The following GRM7 variants were observed in gnomAD, a reference collection of about 807,000 sequenced individuals.
GRM7 encodes glutamate metabotropic receptor 7, also known as metabotropic glutamate receptor 7.
A neutral mutation model predicts 84.5 loss-of-function variants in GRM7; 35 were observed. The ratio of observed to expected loss-of-function variants is 0.41; its 90% CI spans 0.32 to 0.55. The LOEUF (loss-of-function observed/expected upper bound fraction) is 0.55, where lower values mean the gene tolerates loss of function less well. Among genes scored for constraint, GRM7 ranks in the 20% least tolerant of loss-of-function variants. The pLI is 0.19. For synonymous variants in GRM7, 487 were observed against 455.1 expected, an observed-to-expected ratio of 1.07 and a Z score of -0.89; for missense variants, 1,003 against 1,194.6, an observed-to-expected ratio of 0.84 and a Z score of 2.36.
Position 6,937,863 on chromosome 3 carries a change from C to T in GRM7, c.519+75956C>T, listed in dbSNP as rs114736159. ...CATGATCATTATCATCAATAACACA[C>T]TGCCACTTATTGAGCACTTACTATG... On this transcript the variant is annotated intron_variant, in intron 1 of 9. Coordinates refer to ENST00000357716, the MANE Select transcript of GRM7 (RefSeq NM_000844.4). Among the ~76,000 whole-genome samples, 1,487 of 152,318 alleles carry T rather than the reference C, an allele frequency of 9.8e-3. 17 individuals are homozygous for T. Among genetic ancestry groups the T allele is most frequent in the African/African-American group, 0.034 (1,420 of 41,566 alleles).
intron 8 of GRM7, among the ~76,000 whole-genome samples, chr3:7,631,911 C>A (rs957562882): frequency 1.3e-5 from 2 of 152,092 alleles, no homozygotes; most frequent in Non-Finnish European, 2.9e-5. Flanking sequence ...ACTAGGGAAA[C>A]AAGAAAATAG....
chr3:7,594,798 C>T (rs923086730), intron 8 of GRM7, among the ~76,000 whole-genome samples: 2 of 152,098 alleles, frequency 1.3e-5, no homozygotes, highest in Non-Finnish European at 2.9e-5. Flanking sequence ...AGGGCCCCCA[C>T]ACAGAGAGCA....
At chr3:7,476,879 C>A (rs1265137590) in intron 7 of GRM7, among the ~76,000 whole-genome samples, 1 of 152,162 alleles carries the variant, frequency 6.6e-6, no homozygotes, top group Non-Finnish European at 1.5e-5. Flanking sequence ...TGCAATATTC[C>A]ACCACCAAAC....
intron 5 of GRM7, among the ~76,000 whole-genome samples, chr3:7,423,955 C>T (rs774693970): frequency 1.1e-4 from 16 of 152,088 alleles, no homozygotes; most frequent in Non-Finnish European, 1.3e-4. Flanking sequence ...AGTACAGCCT[C>T]ACTGCTGTAG....
At chr3:7,250,564 A>C (rs9311985) in intron 2 of GRM7, among the ~76,000 whole-genome samples, 151,988 of 151,992 alleles carry the variant, frequency 1, 75,992 homozygotes, top group Middle Eastern at 1. Flanking sequence ...TCCTGTGCCA[A>C]CCAGGCTGGA....
intron 7 of GRM7, among the ~76,000 whole-genome samples, chr3:7,558,866 A>G (rs1369095562): frequency 6.6e-6 from 1 of 152,148 alleles, no homozygotes; most frequent in African/African-American, 2.4e-5. Flanking sequence ...GTTATATTCA[A>G]TCTTCAAAGC....
chr3:7,257,184 C>A (rs1003015183), intron 2 of GRM7, among the ~76,000 whole-genome samples: 3 of 152,084 alleles, frequency 2.0e-5, no homozygotes, highest in African/African-American at 7.2e-5. Context: ...AGGTGAGGGA[C>A]CTTATAAGAA....
At chr3:7,135,606 ACTC>A (rs1693745904) in intron 1 of GRM7, among the ~76,000 whole-genome samples, 1 of 152,084 alleles carries the variant, frequency 6.6e-6, no homozygotes, top group African/African-American at 2.4e-5. Flanking sequence ...AAAGTAAGAT[ACTC>A]CTCAGGTGAC....
intron 1 of GRM7, among the ~76,000 whole-genome samples, chr3:6,954,061 A>G (rs911532928): frequency 6.8e-6 from 1 of 146,514 alleles, no homozygotes; most frequent in Non-Finnish European, 1.5e-5. Flanking sequence ...AACAAAAAAA[A>G]TTGGTATATT....
intron 8 of GRM7, among the ~76,000 whole-genome samples, chr3:7,609,516 A>AGAT (rs1377478435): frequency 6.6e-6 from 1 of 152,186 alleles, no homozygotes; most frequent in African/African-American, 2.4e-5. Context: ...GTGGAACAGA[A>AGAT]GATGAGCCTT....
Position 6,861,325 on chromosome 3 carries a change from A to G in GRM7, c.-64A>G. On this transcript the variant is annotated 5_prime_UTR_variant, in exon 1 of 10. Coordinates refer to ENST00000357716, the MANE Select transcript of GRM7 (RefSeq NM_000844.4). The surrounding 1 kb of genome is among the most constrained non-coding windows in gnomAD (Gnocchi z 6.4). The stretch of plus-strand genomic sequence containing the variant: ...GAGGAGCTCGCCCTGAAGGGCCCGG[A>G]CCTCGGCGAGCCCACCACCGTTCCC... The G allele has an allele frequency of 1.4e-6, 2 of 1,384,188 alleles. No homozygotes were observed. 85.7% of individuals were successfully genotyped at this position (1,384,188 alleles called of 1,614,324 possible).
chr3:7,487,025 T>G (rs1699347402), intron 7 of GRM7, among the ~76,000 whole-genome samples: 1 of 152,178 alleles, frequency 6.6e-6, no homozygotes, highest in African/African-American at 2.4e-5. Context: ...TAATGAAGTC[T>G]TAGATAAAAA....
At chr3:7,050,741 G>A (rs1035651459) in intron 1 of GRM7, among the ~76,000 whole-genome samples, 2 of 151,842 alleles carry the variant, frequency 1.3e-5, no homozygotes, top group African/African-American at 2.4e-5. Context: ...ATTGAATGCT[G>A]TTGTTTCATA....
At chr3:7,184,619 C>A (rs1479757838) in intron 2 of GRM7, among the ~76,000 whole-genome samples, 1 of 152,018 alleles carries the variant, frequency 6.6e-6, no homozygotes, top group Non-Finnish European at 1.5e-5. Flanking sequence ...TGTCATGGTA[C>A]TTTCCATGCA....
chr3:7,317,640 G>A (rs1488540194), intron 4 of GRM7, among the ~76,000 whole-genome samples: 1 of 152,046 alleles, frequency 6.6e-6, no homozygotes, highest in Non-Finnish European at 1.5e-5. Context: ...AATAGCTAGG[G>A]TGCTAAGTAG....
At chr3:7,330,669 T>A (rs552040406) in intron 4 of GRM7, among the ~76,000 whole-genome samples, 1 of 152,332 alleles carries the variant, frequency 6.6e-6, no homozygotes, top group South Asian at 2.1e-4. Context: ...CCTGCCGCCA[T>A]GTAAGACATG....
intron 4 of GRM7, among the ~76,000 whole-genome samples, chr3:7,412,287 G>A (rs1695973880): frequency 6.6e-6 from 1 of 152,158 alleles, no homozygotes; most frequent in African/African-American, 2.4e-5. Flanking sequence ...CTAGTGTTGA[G>A]AAGGCAGCCA....
In GRM7 at chr3:7,680,136, A is replaced by G. The variant is rs753764677; in HGVS notation, c.2539A>G (p.Ile847Val). The change falls in exon 9 of 10, where the codon ATC becomes GTC. Residue 847 changes from isoleucine (I) to valine (V), a missense_variant. Coordinates refer to ENST00000357716, the MANE Select transcript of GRM7 (RefSeq NM_000844.4). ...LGMLYMPKVY[I>V]IIFHPELNVQ... is the part of the protein sequence containing the mutation. ...GATGCTATACATGCCGAAAGTGTAC[A>G]TCATCATTTTCCACCCTGAACTCAA... The G allele has an allele frequency of 2.4e-5, 38 of 1,614,028 alleles. No homozygotes were observed. The highest frequency in any genetic ancestry group is 3.1e-5 in the Non-Finnish European group (37 of 1,180,016).
At chr3:7,680,532 C>G in intron 9 of GRM7, 1 of 513,574 alleles carries the variant, frequency 1.9e-6, no homozygotes, top group Non-Finnish European at 3.5e-6. Context: ...TGTGAAGCCT[C>G]CCCCTTCCCT....
Sources: allele counts gnomAD v4.1 joint callset (sites outside exome capture counted in the v4.1 genomes callset), GRCh38; gene constraint gnomAD v4.1.1; non-coding constraint Gnocchi (gnomAD v3.1); transcripts MANE v1.5; gene names NCBI Gene and HGNC (gene_info 2026-07-23, HGNC 2026-07-21).